The following NAA60 variants were observed in gnomAD, a reference collection of about 807,000 sequenced individuals.
NAA60 encodes N-alpha-acetyltransferase 60.
A neutral mutation model predicts 26.1 loss-of-function variants in NAA60; 8 were observed. The ratio of observed to expected loss-of-function variants is 0.31; its 90% CI spans 0.18 to 0.55. The LOEUF (loss-of-function observed/expected upper bound fraction) is 0.55, where lower values mean the gene tolerates loss of function less well. Among genes scored for constraint, NAA60 ranks in the 20% least tolerant of loss-of-function variants. The pLI, the probability that NAA60 is intolerant of heterozygous loss-of-function variation, is 0.93. For synonymous variants in NAA60, 131 were observed against 122.5 expected (o/e 1.07, Z -0.46); for missense variants, 290 against 311.3 (o/e 0.93, Z 0.51).
chr16:3,462,023 G>T (rs2150967761), intron 2 of NAA60, among the ~76,000 whole-genome samples: 1 of 143,216 alleles, frequency 7.0e-6, no homozygotes, highest in East Asian at 2.2e-4. Flanking sequence ...GGAGGTGGAG[G>T]TTGCAGTAAG....
At chr16:3,483,855 A>C in intron 6 of NAA60, 6 of 495,882 alleles carry the variant, frequency 1.2e-5, no homozygotes, top group African/African-American at 2.0e-5. Context: ...AGCCTCCCAA[A>C]TTACTGGGAT....
intron 2 of NAA60, among the ~76,000 whole-genome samples, chr16:3,456,442 C>CTT (rs577299558): frequency 2.0e-4 from 30 of 147,686 alleles, no homozygotes; most frequent in East Asian, 7.8e-4. Context: ...GAGCAATTTC[C>CTT]TTTTTTTTTT....
In NAA60 at chr16:3,451,559, C is replaced by G. The variant is rs562211584; in HGVS notation, c.-7+3019C>G. Among the ~76,000 whole-genome samples, 9 of 152,266 alleles carry G rather than the reference C, an allele frequency of 5.9e-5. No homozygotes were observed. The South Asian group carries it at 1.7e-3, about 28-fold the overall frequency. On this transcript the variant is annotated intron_variant, in intron 2 of 7. Transcript: ENST00000407558. ...ATGCCTCAAAAATAGAAAAGGTGATCAAACTTACTGAGAAATGTGCATTAA... is the reference window on the plus strand; with the variant it reads ...ATGCCTCAAAAATAGAAAAGGTGATGAAACTTACTGAGAAATGTGCATTAA...
intron 5 of NAA60, chr16:3,482,868 G>T: frequency 1.8e-6 from 1 of 548,782 alleles, no homozygotes; most frequent in East Asian, 3.1e-5. Context: ...ATGGAGCTGA[G>T]GAAACTGGCA....
intron 2 of NAA60, chr16:3,458,041 T>G: frequency 1.0e-6 from 1 of 985,222 alleles, no homozygotes; most frequent in African/African-American, 1.7e-5. Flanking sequence ...TGCCGCGGGC[T>G]GCCGCCTCCG....
intron 2 of NAA60, among the ~76,000 whole-genome samples, chr16:3,458,802 A>T (rs2035179296): frequency 6.6e-6 from 1 of 151,856 alleles, no homozygotes; most frequent in African/African-American, 2.4e-5. Context: ...CAGAACCCAC[A>T]CCCCCAGCTC....
intron 2 of NAA60, among the ~76,000 whole-genome samples, chr16:3,461,587 C>T: frequency 6.6e-6 from 1 of 152,178 alleles, no homozygotes. Flanking sequence ...AATTATTATC[C>T]ATTTTGCCCC....
chr16:3,453,287 A>G (rs2150950620), intron 2 of NAA60, among the ~76,000 whole-genome samples: 1 of 152,154 alleles, frequency 6.6e-6, no homozygotes, highest in South Asian at 2.1e-4. Flanking sequence ...AGTCCCATCT[A>G]CTCAGGAGGC....
At chr16:3,445,707 A>C (rs1021081303) in intron 1 of NAA60, among the ~76,000 whole-genome samples, 1 of 152,142 alleles carries the variant, frequency 6.6e-6, no homozygotes, top group South Asian at 2.1e-4. Flanking sequence ...CCATAATTAC[A>C]AAGAAATAAA....
chr16:3,481,490 CTG>C (rs1051216224), intron 4 of NAA60, among the ~76,000 whole-genome samples: 2 of 152,252 alleles, frequency 1.3e-5, no homozygotes, highest in South Asian at 2.1e-4. Context: ...CCCCTGGTGA[CTG>C]TGTGCCTGCC....
intron 2 of NAA60, among the ~76,000 whole-genome samples, chr16:3,473,457 CA>C (rs1199637820): frequency 6.6e-6 from 1 of 152,200 alleles, no homozygotes; most frequent in Non-Finnish European, 1.5e-5. Context: ...TTCACTACCA[CA>C]AGAACAGTAT....
chr16:3,456,239 G>C (rs1197528234), intron 2 of NAA60, among the ~76,000 whole-genome samples: 2 of 152,178 alleles, frequency 1.3e-5, no homozygotes, highest in African/African-American at 4.8e-5. Context: ...TGAATTAAGT[G>C]CCCATTCTGA....
chr16:3,479,645 G>A, intron 4 of NAA60, 45 bp downstream of exon 4: 1 of 1,607,424 alleles, frequency 6.2e-7, no homozygotes, highest in Non-Finnish European at 8.5e-7. Context: ...ACTGTCATTG[G>A]ACGGGCCAAG....
In NAA60 at chr16:3,483,052, C is replaced by G. The variant is rs2036947630; in HGVS notation, c.338-311C>G. On this transcript the variant is annotated intron_variant, in intron 5 of 7. Coordinates refer to ENST00000407558, the MANE Select transcript of NAA60 (RefSeq NM_001083601.3). ...GTCTTAATTAATTTTAAACCCAGGC[C>G]CATCTAGTCCATGTTTTCCTGGGCT... The G allele has an allele frequency of 7.9e-6, 4 of 506,694 alleles. No homozygotes were observed. The Admixed American group carries it at 1.5e-4, about 18-fold the overall frequency. 31.4% of individuals were successfully genotyped at this position (506,694 alleles called of 1,614,324 possible). A position where few individuals can be genotyped will look rare whatever the true frequency, so the allele number is the denominator to read the frequency against.
chr16:3,481,937 G>C (rs1028598981), intron 4 of NAA60, among the ~76,000 whole-genome samples: 1 of 152,094 alleles, frequency 6.6e-6, no homozygotes, highest in African/African-American at 2.4e-5. Flanking sequence ...CTCCCACCCG[G>C]AATTCCATCT....
At chr16:3,451,777 G>A (rs779613044) in intron 2 of NAA60, among the ~76,000 whole-genome samples, 4 of 151,476 alleles carry the variant, frequency 2.6e-5, no homozygotes, top group Non-Finnish European at 5.9e-5. Flanking sequence ...AACTAGTGAG[G>A]CTTGGTGGTA....
Position 3,483,481 on chromosome 16 carries a change from CAG to C in NAA60, c.460_461del (p.Asp154LeufsTer113). 6.2e-7 allele frequency: 1 copy of C among 1,614,016 alleles called. No homozygotes were observed. Among genetic ancestry groups the C allele is most frequent in the Non-Finnish European group, 8.5e-7 (1 of 1,179,876 alleles). ...ACACAGCAATAAACTTCTATGAAAA[CAG>C]AGACTTCAAGCAGCACCACTATCTC... ...NNTAINFYEN[R>X]DFKQHHYLPY... On this transcript the variant is annotated frameshift_variant, in exon 6 of 8. Coordinates refer to ENST00000407558, the MANE Select transcript of NAA60 (RefSeq NM_001083601.3). LOFTEE classifies it high-confidence loss of function.
intron 2 of NAA60, among the ~76,000 whole-genome samples, chr16:3,466,343 G>A (rs1362448664): frequency 6.6e-6 from 1 of 152,198 alleles, no homozygotes; most frequent in East Asian, 1.9e-4. Flanking sequence ...TTGTCACCCG[G>A]CAAATGATTC....
At chr16:3,475,519 T>A (rs913547491) in intron 2 of NAA60, among the ~76,000 whole-genome samples, 2 of 152,084 alleles carry the variant, frequency 1.3e-5, no homozygotes, top group East Asian at 3.8e-4. Flanking sequence ...TATACAAACT[T>A]CCTTGTTAAA....
Sources: gnomAD v4.1 joint callset for allele counts (sites outside exome capture counted in the v4.1 genomes callset) on GRCh38, gnomAD v4.1.1 for gene constraint, MANE v1.5 for transcripts, NCBI Gene and HGNC (gene_info 2026-07-23, HGNC 2026-07-21) for gene names.